The following IGF1R variants were observed in gnomAD, a reference collection of about 807,000 sequenced individuals.
IGF1R encodes the protein insulin-like growth factor 1 receptor.
In IGF1R, 44 loss-of-function variants were observed where a neutral mutation model predicts 144.6. The ratio of observed to expected loss-of-function variants is 0.30; its 90% CI spans 0.24 to 0.39. The LOEUF is 0.39. Among genes scored for constraint, IGF1R ranks in the 10% least tolerant of loss-of-function variants. The pLI, the probability that IGF1R is intolerant of heterozygous loss-of-function variation, is 1.00. For missense variants in IGF1R, 1,355 were observed against 1,833.7 expected, an observed-to-expected ratio of 0.74 and a Z score of 4.77; for synonymous variants, 795 against 722.8, an observed-to-expected ratio of 1.10 and a Z score of -1.60.
At chr15:98,865,403 G>A (rs1190828804) in intron 2 of IGF1R, among the ~76,000 whole-genome samples, 1 of 152,238 alleles carries the variant, frequency 6.6e-6, no homozygotes, top group Non-Finnish European at 1.5e-5. Context: ...AACGCCGCCT[G>A]GATCGCTGGC....
rs74032548 is a variant in IGF1R, at chr15:98,721,090, G to T, written c.640+12983G>T. On this transcript the variant is annotated intron_variant, in intron 2 of 20. Coordinates refer to ENST00000650285, the MANE Select transcript of IGF1R (RefSeq NM_000875.5). Reference sequence around the variant, plus strand: ...TGGGTTTGGTGTGCATGCATGGTGAGCTCTAGCTGGAGCAGACGTTACCTA... The same window carrying T: ...TGGGTTTGGTGTGCATGCATGGTGATCTCTAGCTGGAGCAGACGTTACCTA... 7.6e-3 allele frequency among the ~76,000 whole-genome samples: 1,161 copies of T among 152,272 alleles called. 20 individuals are homozygous for T. Among genetic ancestry groups the T allele is most frequent in the African/African-American group, 0.027 (1,108 of 41,540 alleles).
chr15:98,652,934 C>CTT (rs5814887), intron 1 of IGF1R, among the ~76,000 whole-genome samples: 9,761 of 143,272 alleles, frequency 0.068, 420 homozygotes, highest in African/African-American at 0.13. Context: ...TCAATAAACC[C>CTT]TTTTTTTTTT....
chr15:98,706,197 C>A (rs1046842531), intron 1 of IGF1R, among the ~76,000 whole-genome samples: 4 of 152,230 alleles, frequency 2.6e-5, no homozygotes, highest in African/African-American at 9.6e-5. Flanking sequence ...TCACCATGAG[C>A]CTCCTCAGAG....
At chr15:98,763,044 CAAA>C (rs58091658) in intron 2 of IGF1R, among the ~76,000 whole-genome samples, 2,121 of 134,574 alleles carry the variant, frequency 0.016, 44 homozygotes, top group African/African-American at 0.048. Flanking sequence ...GGTTCCATCT[CAAA>C]AAAAAAAAAA....
chr15:98,914,612 T>C (rs1383490937), intron 8 of IGF1R, among the ~76,000 whole-genome samples: 1 of 152,216 alleles, frequency 6.6e-6, no homozygotes, highest in Non-Finnish European at 1.5e-5. Context: ...ATCTTAAAAT[T>C]TGGAAGTAAC....
At chr15:98,949,679 T>G (rs1596483573) in intron 20 of IGF1R, among the ~76,000 whole-genome samples, 1 of 152,170 alleles carries the variant, frequency 6.6e-6, no homozygotes, top group East Asian at 1.9e-4. Context: ...CAACCCCACT[T>G]ATTTTGAAAA....
chr15:98,918,676 C>G (rs888875404), intron 10 of IGF1R, among the ~76,000 whole-genome samples: 1 of 152,012 alleles, frequency 6.6e-6, no homozygotes, highest in Non-Finnish European at 1.5e-5. Context: ...ATCAGGCGTT[C>G]GAGACCAGCC....
chr15:98,716,107 C>G (rs1016689847), intron 2 of IGF1R, among the ~76,000 whole-genome samples: 3 of 152,190 alleles, frequency 2.0e-5, no homozygotes, highest in African/African-American at 7.2e-5. Context: ...CTGGGTCCAG[C>G]AGTGCCTTTC....
intron 2 of IGF1R, among the ~76,000 whole-genome samples, chr15:98,796,267 G>C (rs755701293): frequency 6.6e-6 from 1 of 152,052 alleles, no homozygotes; most frequent in African/African-American, 2.4e-5. Context: ...CAGTAAAGGC[G>C]CCTGGGGGTG....
At chr15:98,895,617 C>A (rs1228553661) in intron 3 of IGF1R, among the ~76,000 whole-genome samples, 1 of 152,104 alleles carries the variant, frequency 6.6e-6, no homozygotes, top group East Asian at 1.9e-4. Context: ...CCCATTCTCC[C>A]AAACACACAA....
At chr15:98,915,193 C>T (rs1428637892) in intron 8 of IGF1R, among the ~76,000 whole-genome samples, 2 of 152,192 alleles carry the variant, frequency 1.3e-5, no homozygotes, top group Admixed American at 1.3e-4. Context: ...TCTTTATGCA[C>T]ACTTCAGCTC....
chr15:98,812,994 G>A (rs935451223), intron 2 of IGF1R, among the ~76,000 whole-genome samples: 1 of 152,190 alleles, frequency 6.6e-6, no homozygotes, highest in Non-Finnish European at 1.5e-5. Context: ...AGTGGTTTAA[G>A]TGGCTTCTCC....
chr15:98,935,548 T>TA lies in IGF1R; in HGVS notation c.3297+123dup, dbSNP rs1173079558. The stretch of plus-strand genomic sequence containing the variant: ...TTACTTTCCAGCATCCAGTGTTTCT[T>TA]ACTGCATGCTCAGTTGTAGGTCATT... On this transcript the variant is annotated intron_variant, in intron 17 of 20. Transcript: ENST00000650285. This position sits in a 1 kb window ranked among gnomAD's most constrained non-coding sequence, Gnocchi z 4.2. The TA allele has an allele frequency of 1.4e-6, 1 of 731,598 alleles. No homozygotes were observed. The highest frequency in any genetic ancestry group is 1.7e-5 in the African/African-American group (1 of 57,546). The allele number at this position is 731,598 out of a possible 1,614,324, so 45.3% of individuals were successfully genotyped here.
At chr15:98,755,282 G>A (rs1224999972) in intron 2 of IGF1R, among the ~76,000 whole-genome samples, 1 of 151,944 alleles carries the variant, frequency 6.6e-6, no homozygotes, top group Non-Finnish European at 1.5e-5. Flanking sequence ...TAAAATTTCA[G>A]CAGTTCACAA....
At chr15:98,928,373 T>C (rs1438974094) in intron 13 of IGF1R, among the ~76,000 whole-genome samples, 2 of 152,210 alleles carry the variant, frequency 1.3e-5, no homozygotes, top group African/African-American at 2.4e-5. Flanking sequence ...CTCCAAGACA[T>C]GACAGTGCCT....
chr15:98,671,279 A>G (rs938253872), intron 1 of IGF1R, among the ~76,000 whole-genome samples: 1 of 152,204 alleles, frequency 6.6e-6, no homozygotes, highest in Admixed American at 6.5e-5. Flanking sequence ...ATTGTTTTTA[A>G]TCAACTGCAG....
intron 2 of IGF1R, among the ~76,000 whole-genome samples, chr15:98,868,824 C>CCTA (rs1266760207): frequency 1.3e-5 from 2 of 152,178 alleles, no homozygotes; most frequent in Admixed American, 6.5e-5. Context: ...TAGGTACCTT[C>CCTA]CTACTACTAC....
intron 3 of IGF1R, 87 bp from the exon 4 acceptor site, chr15:98,896,670 A>T (rs2014212635): frequency 7.3e-7 from 1 of 1,363,006 alleles, no homozygotes; most frequent in Non-Finnish European, 1.0e-6. Flanking sequence ...TGTAATAACA[A>T]TGAAAAGCAT....
Position 98,899,580 on chromosome 15 carries a change from A to C in IGF1R, c.1206A>C (p.Leu402=), listed in dbSNP as rs763179178. The change falls in exon 5 of 21, where the codon CTA becomes CTC. Residue 402 remains leucine (L), a synonymous_variant. Coordinates refer to ENST00000650285, the MANE Select transcript of IGF1R (RefSeq NM_000875.5). ...HSHALVSLSF[L]KNLRLILGEE... ...ATGCCTTGGTCTCCTTGTCCTTCCT[A>C]AAAAACCTTCGCCTCATCCTAGGAG... The C allele has an allele frequency of 3.1e-6, 5 of 1,614,056 alleles. No individual in the cohort carries two copies. Among genetic ancestry groups the C allele is most frequent in the Non-Finnish European group, 4.2e-6 (5 of 1,179,978 alleles).
Sources: allele counts gnomAD v4.1 joint callset (sites outside exome capture counted in the v4.1 genomes callset), GRCh38; gene constraint gnomAD v4.1.1; non-coding constraint Gnocchi (gnomAD v3.1); transcripts MANE v1.5; gene names NCBI Gene and HGNC (gene_info 2026-07-23, HGNC 2026-07-21).